The following GBE1 variants were observed in gnomAD, a reference collection of about 807,000 sequenced individuals.
GBE1 encodes 1,4-alpha-glucan-branching enzyme.
In GBE1, 70 loss-of-function variants were observed where a neutral mutation model predicts 88.8. The observed-to-expected ratio is 0.79, with a 90% CI of 0.65 to 0.96. The LOEUF (loss-of-function observed/expected upper bound fraction) is 0.96, where lower values mean the gene tolerates loss of function less well. GBE1 is among the 40% of genes least tolerant of loss of function. GBE1 has a pLI of 0.00. For synonymous variants in GBE1, 284 were observed against 300.1 expected, an observed-to-expected ratio of 0.95 and a Z score of 0.56; for missense variants, 872 against 871.0, an observed-to-expected ratio of 1.00 and a Z score of -0.01.
At chr3:81,725,776 A>G (rs775908836) in intron 1 of GBE1, among the ~76,000 whole-genome samples, 8 of 152,216 alleles carry the variant, frequency 5.3e-5, no homozygotes, top group Non-Finnish European at 1.2e-4. Context: ...CTTCATTATA[A>G]TCTTATGGAA....
rs1704804632 is a variant in GBE1 at position 81,648,842 on chromosome 3, C to T, written c.691+14G>A. 4 of 1,449,218 alleles carry T rather than the reference C, an allele frequency of 2.8e-6. No individual in the cohort carries two copies. The highest frequency in any genetic ancestry group is 3.7e-6 in the Non-Finnish European group (4 of 1,082,864). The allele number at this position is 1,449,218 out of a possible 1,614,324, so 89.8% of individuals were successfully genotyped here. On this transcript the variant is annotated intron_variant, in intron 5 of 15. Coordinates refer to ENST00000429644, the MANE Select transcript of GBE1 (RefSeq NM_000158.4). ...TAAAATTTTATCTGAATAAAAATCACAGTTATTACTTACCAAGGCCTTTGA... is the reference window on the plus strand; with the variant it reads ...TAAAATTTTATCTGAATAAAAATCATAGTTATTACTTACCAAGGCCTTTGA...
chr3:81,687,653 AAGC>A (rs1375750586), intron 2 of GBE1, among the ~76,000 whole-genome samples: 1 of 152,172 alleles, frequency 6.6e-6, no homozygotes, highest in African/African-American at 2.4e-5. Context: ...GATTCCGTAG[AAGC>A]AGCAGTTCAC....
At chr3:81,646,280 C>T (rs564772526) in intron 6 of GBE1, 112 bp downstream of exon 6, 2 of 695,194 alleles carry the variant, frequency 2.9e-6, no homozygotes, top group African/African-American at 1.9e-5. Flanking sequence ...CTTCTATTAA[C>T]TCTGTTAACC....
chr3:81,517,745 A>G (rs1315032913), intron 14 of GBE1, among the ~76,000 whole-genome samples: 1 of 151,418 alleles, frequency 6.6e-6, no homozygotes, highest in Non-Finnish European at 1.5e-5. Flanking sequence ...ATTTAATTAA[A>G]TTACTGTTTT....
At chr3:81,558,170 A>ATG (rs753208242) in intron 12 of GBE1, among the ~76,000 whole-genome samples, 94 of 151,656 alleles carry the variant, frequency 6.2e-4, no homozygotes, top group Admixed American at 9.9e-4. Context: ...TTTTAAGTCA[A>ATG]TGTGTGTGTG....
chr3:81,547,737 A>AT (rs1159633954), intron 12 of GBE1, among the ~76,000 whole-genome samples: 2 of 150,074 alleles, frequency 1.3e-5, no homozygotes, highest in Admixed American at 1.3e-4. Context: ...TAAAGGTTTG[A>AT]TTAATGGGAA....
rs144723494 is a variant in GBE1, at chr3:81,577,012, T to C, written c.1618+913A>G. ...CCTAGCTGGAGTGCATGATTATAGT[T>C]TACTACAACCTCAGACTCCTGGGCT... On this transcript the variant is annotated intron_variant, in intron 12 of 15. Coordinates refer to ENST00000429644, the MANE Select transcript of GBE1 (RefSeq NM_000158.4). Among the ~76,000 whole-genome samples, 229 of 152,160 alleles carry C rather than the reference T, an allele frequency of 1.5e-3. 2 individuals carry two copies. Among genetic ancestry groups the C allele is most frequent in the African/African-American group, 5.3e-3 (221 of 41,516 alleles).
chr3:81,683,160 A>C (rs1463214729), intron 2 of GBE1, among the ~76,000 whole-genome samples: 1 of 152,218 alleles, frequency 6.6e-6, no homozygotes, highest in Non-Finnish European at 1.5e-5. Flanking sequence ...ATGAACTGTA[A>C]TAATGGTTGC....
chr3:81,513,501 G>A (rs565258937), intron 14 of GBE1, among the ~76,000 whole-genome samples: 18 of 151,018 alleles, frequency 1.2e-4, no homozygotes, highest in East Asian at 1.2e-3. Flanking sequence ...ATCAAGGCCC[G>A]GAAAGGCAAA....
chr3:81,632,447 A>T (rs574485781), intron 7 of GBE1, among the ~76,000 whole-genome samples: 1 of 152,186 alleles, frequency 6.6e-6, no homozygotes, highest in African/African-American at 2.4e-5. Context: ...GCCAACAAAG[A>T]TGAAAAAAAA....
intron 15 of GBE1, among the ~76,000 whole-genome samples, chr3:81,491,652 T>C (rs747615677): frequency 1.8e-4 from 27 of 152,166 alleles, no homozygotes; most frequent in Admixed American, 4.6e-4. Context: ...CAATCTGTCT[T>C]CACTTCTGAC....
At chr3:81,709,352 C>T (rs879899322) in intron 1 of GBE1, among the ~76,000 whole-genome samples, 15 of 151,956 alleles carry the variant, frequency 9.9e-5, no homozygotes, top group Non-Finnish European at 1.9e-4. Flanking sequence ...TATCAGTCAT[C>T]TATACTTCTT....
At chr3:81,680,358 G>A (rs1192504486) in intron 2 of GBE1, among the ~76,000 whole-genome samples, 2 of 151,972 alleles carry the variant, frequency 1.3e-5, no homozygotes, top group Admixed American at 6.6e-5. Context: ...TTAGCTGGGC[G>A]TGGTGGCGGG....
chr3:81,665,501 A>T (rs535326441), intron 3 of GBE1, among the ~76,000 whole-genome samples: 14 of 149,404 alleles, frequency 9.4e-5, no homozygotes, highest in East Asian at 2.0e-4. Flanking sequence ...GCGCCACTGC[A>T]CTCCAGCCTG....
rs1236780239 is a variant in GBE1, at chr3:81,761,576, C to G, written c.-59G>C. On this transcript the variant is annotated 5_prime_UTR_variant, in exon 1 of 16. Coordinates refer to ENST00000429644, the MANE Select transcript of GBE1 (RefSeq NM_000158.4). ...AGGTCGAGTGGGGCCTGAGCGGGCGCTGGAGCTCTAGCTGGGACGCGGCGG... is the reference window on the plus strand; with the variant it reads ...AGGTCGAGTGGGGCCTGAGCGGGCGGTGGAGCTCTAGCTGGGACGCGGCGG... 2.6e-6 allele frequency: 4 copies of G among 1,542,164 alleles called. No homozygotes were observed. The highest frequency in any genetic ancestry group is 3.5e-6 in the Non-Finnish European group (4 of 1,146,818).
At chr3:81,613,003 G>A (rs548894230) in intron 7 of GBE1, 20 of 488,544 alleles carry the variant, frequency 4.1e-5, no homozygotes, top group South Asian at 4.0e-4. Flanking sequence ...GATGAAGTAG[G>A]GGATAAGGAT....
chr3:81,652,012 G>A (rs1346285636), intron 3 of GBE1, among the ~76,000 whole-genome samples: 2 of 152,196 alleles, frequency 1.3e-5, no homozygotes, highest in Non-Finnish European at 1.5e-5. Context: ...CTTTTGCTGG[G>A]TATGCCAAGA....
intron 1 of GBE1, among the ~76,000 whole-genome samples, chr3:81,710,113 T>C (rs1220928674): frequency 6.6e-6 from 1 of 151,534 alleles, no homozygotes; most frequent in East Asian, 1.9e-4. Flanking sequence ...TAATAAGCAA[T>C]AAGGACATCA....
intron 7 of GBE1, among the ~76,000 whole-genome samples, chr3:81,635,633 A>G (rs879507472): frequency 6.6e-6 from 1 of 152,166 alleles, no homozygotes; most frequent in Non-Finnish European, 1.5e-5. Flanking sequence ...ATAAAAACAG[A>G]AAAATTGATT....
Sources: gnomAD v4.1 joint callset for allele counts (sites outside exome capture counted in the v4.1 genomes callset) on GRCh38, gnomAD v4.1.1 for gene constraint, MANE v1.5 for transcripts, NCBI Gene and HGNC (gene_info 2026-07-23, HGNC 2026-07-21) for gene names.